The following MCTP2 variants were observed in gnomAD, a reference collection of about 807,000 sequenced individuals.
MCTP2 encodes multiple C2 and transmembrane domain-containing protein 2.
Under a neutral mutation model 111.6 loss-of-function variants are expected in MCTP2, and 132 were observed. The ratio of observed to expected loss-of-function variants is 1.18; its 90% CI spans 1.03 to 1.37. MCTP2 has a LOEUF of 1.37. Ranked by LOEUF, MCTP2 falls within the 40% of genes most tolerant of loss-of-function variation. The pLI is 0.00. For missense variants in MCTP2, 1,183 were observed against 1,067.9 expected (o/e 1.11, Z -1.50); for synonymous variants, 395 against 387.7 (o/e 1.02, Z -0.22).
intron 1 of MCTP2, among the ~76,000 whole-genome samples, chr15:94,254,067 TTTGA>T (rs1275577717): frequency 1.2e-4 from 18 of 152,326 alleles, no homozygotes; most frequent in Middle Eastern, 3.4e-3. Context: ...TACCTCGATA[TTTGA>T]TTGGCAACAG....
Position 94,479,150 on chromosome 15 carries a change from C to G in MCTP2, c.*116C>G. 1.1e-6 allele frequency: 1 copy of G among 945,346 alleles called. No individual in the cohort carries two copies. Among genetic ancestry groups the G allele is most frequent in the Non-Finnish European group, 1.7e-6 (1 of 583,958 alleles). 58.6% of individuals were successfully genotyped at this position (945,346 alleles called of 1,614,324 possible). On this transcript the variant is annotated 3_prime_UTR_variant, in exon 23 of 23. Coordinates refer to ENST00000357742, the MANE Select transcript of MCTP2 (RefSeq NM_001385001.1). ...CTTCTGAAATGCATGCCCTGTGGCA[C>G]CCTCTGTATACTTCCTCCTCCTTCA... is the stretch of plus-strand genomic sequence containing the variant.
Position 94,398,993 on chromosome 15 carries a change from A to G in MCTP2, c.1821A>G (p.Leu607=), listed in dbSNP as rs764052205. The G allele has an allele frequency of 1.3e-6, 2 of 1,561,046 alleles. No homozygotes were observed. The highest frequency in any genetic ancestry group is 2.2e-5 in the East Asian group (1 of 44,548). The change falls in exon 15 of 23, where the codon CTA becomes CTG. Residue 607 remains leucine, a synonymous_variant. Transcript: ENST00000357742. ...IRDGQPNCYV[L]KNKDLEQAFK... is the part of the protein sequence containing the mutation. Reference sequence around the variant, plus strand: ...ATGGACAACCGAATTGTTATGTACTAAAGAATAAAGATTTAGAACAAGCTT... The same window carrying G: ...ATGGACAACCGAATTGTTATGTACTGAAGAATAAAGATTTAGAACAAGCTT...
intron 2 of MCTP2, 56 bp from the exon 3 acceptor site, chr15:94,314,226 T>A: frequency 8.3e-7 from 1 of 1,208,026 alleles, no homozygotes; most frequent in South Asian, 1.3e-5. Flanking sequence ...GGTATCTTCC[T>A]GAGTTGGTAT....
chr15:94,298,798 C>T (rs1186133635), intron 2 of MCTP2, 68 bp downstream of exon 2: 4 of 1,029,194 alleles, frequency 3.9e-6, no homozygotes, highest in South Asian at 1.7e-5. Context: ...CTCTTTCTCC[C>T]TCTCTCCCCA....
intron 1 of MCTP2, among the ~76,000 whole-genome samples, chr15:94,264,507 G>A (rs1013360286): frequency 1.3e-5 from 2 of 152,038 alleles, no homozygotes; most frequent in East Asian, 3.9e-4. Context: ...TACTCGGGAG[G>A]CTGAGGCAGG....
intron 14 of MCTP2, among the ~76,000 whole-genome samples, chr15:94,391,285 CTA>C: frequency 6.6e-6 from 1 of 152,174 alleles, no homozygotes; most frequent in Non-Finnish European, 1.5e-5. Flanking sequence ...TCAATTAACT[CTA>C]TTGCCCAAGT....
intron 1 of MCTP2, among the ~76,000 whole-genome samples, chr15:94,292,577 GC>G (rs2152327242): frequency 6.6e-6 from 1 of 152,302 alleles, no homozygotes; most frequent in Admixed American, 6.5e-5. Flanking sequence ...GGGTATGTGA[GC>G]TAAAACTGGA....
chr15:94,288,846 A>G (rs1258393289), intron 1 of MCTP2, among the ~76,000 whole-genome samples: 2 of 152,234 alleles, frequency 1.3e-5, no homozygotes, highest in African/African-American at 2.4e-5. Context: ...GAAAAATACA[A>G]TAGCTGCCTG....
intron 4 of MCTP2, among the ~76,000 whole-genome samples, chr15:94,319,647 C>T (rs1393510275): frequency 6.6e-6 from 1 of 152,168 alleles, no homozygotes; most frequent in African/African-American, 2.4e-5. Flanking sequence ...CATGCTTCTC[C>T]TTAGAGGTAG....
At chr15:94,446,063 T>C (rs1426314688) in intron 19 of MCTP2, among the ~76,000 whole-genome samples, 1 of 152,242 alleles carries the variant, frequency 6.6e-6, no homozygotes, top group Admixed American at 6.5e-5. Flanking sequence ...GGGATTGTTG[T>C]AAAATGACAT....
At chr15:94,437,209 T>C (rs911766212) in intron 17 of MCTP2, among the ~76,000 whole-genome samples, 1 of 115,594 alleles carries the variant, frequency 8.7e-6, no homozygotes, top group African/African-American at 3.3e-5. Flanking sequence ...ACGTAACATA[T>C]AGAATGGAAG....
At chr15:94,272,296 G>A (rs1418067275) in intron 1 of MCTP2, among the ~76,000 whole-genome samples, 1 of 152,148 alleles carries the variant, frequency 6.6e-6, no homozygotes, top group East Asian at 1.9e-4. Context: ...GGTGATCAAG[G>A]AAGTGTGTGT....
chr15:94,436,362 T>A (rs2083474751), intron 17 of MCTP2, among the ~76,000 whole-genome samples: 1 of 152,212 alleles, frequency 6.6e-6, no homozygotes, highest in African/African-American at 2.4e-5. Context: ...TAATTAGACT[T>A]TTTTTCTAAA....
intron 14 of MCTP2, among the ~76,000 whole-genome samples, chr15:94,390,498 C>G (rs569040559): frequency 6.6e-6 from 1 of 152,140 alleles, no homozygotes; most frequent in African/African-American, 2.4e-5. Flanking sequence ...ATTAAGTGAT[C>G]TTAATTCTGT....
chr15:94,388,932 A>G (rs1171919091), intron 14 of MCTP2, among the ~76,000 whole-genome samples: 1 of 152,198 alleles, frequency 6.6e-6, no homozygotes, highest in South Asian at 2.1e-4. Flanking sequence ...GCAAGAATCA[A>G]GAGGCTATTT....
At chr15:94,329,411 G>T (rs113656586) in intron 4 of MCTP2, among the ~76,000 whole-genome samples, 5,481 of 152,188 alleles carry the variant, frequency 0.036, 330 homozygotes, top group African/African-American at 0.12. Context: ...ATAAAGAGCC[G>T]TCATTGACGC....
At chr15:94,244,086 ATATGTATACACATACATATGTG>A (rs1351478024) in intron 1 of MCTP2, among the ~76,000 whole-genome samples, 1 of 54,894 alleles carries the variant, frequency 1.8e-5, no homozygotes, top group African/African-American at 6.3e-5. Flanking sequence ...TTATGCACAC[ATATGTATACACATACATATGTG>A]TATATGTTTA....
chr15:94,292,363 A>G (rs557906149), intron 1 of MCTP2, among the ~76,000 whole-genome samples: 1 of 152,308 alleles, frequency 6.6e-6, no homozygotes, highest in South Asian at 2.1e-4. Context: ...AAAATACCCA[A>G]CGTGATTTTC....
Position 94,440,290 on chromosome 15 carries a change from G to A in MCTP2, c.2200G>A (p.Asp734Asn), listed in dbSNP as rs764182200. ...GAAAGGCAAGGTCAGCAGCATCCAG[G>A]ACAGCCAGGTAAGCAAGGATTCGGA... is the stretch of plus-strand genomic sequence containing the variant. ...PVKGKVSSIQ[D>N]SQESTDIDDE... Residue 734 changes from aspartate (D) to asparagine (N), a missense_variant, in exon 18 of 23, where the codon GAC (aspartate) becomes AAC (asparagine). By Grantham distance (23) the Asp-to-Asn change is conservative. Coordinates refer to ENST00000357742, the MANE Select transcript of MCTP2 (RefSeq NM_001385001.1). 1.4e-5 allele frequency: 23 copies of A among 1,613,870 alleles called. No homozygotes were observed. Among genetic ancestry groups the A allele is most frequent in the Non-Finnish European group, 1.9e-5 (22 of 1,179,950 alleles).
Sources: gnomAD v4.1 joint callset for allele counts (sites outside exome capture counted in the v4.1 genomes callset) on GRCh38, gnomAD v4.1.1 for gene constraint, MANE v1.5 for transcripts, NCBI Gene and HGNC (gene_info 2026-07-23, HGNC 2026-07-21) for gene names.